Variants in SNX14 observed in about 807,000 individuals in gnomAD.
The protein encoded by SNX14 is sorting nexin 14, also known as sorting nexin-14.
Under a neutral mutation model 133.8 loss-of-function variants are expected in SNX14, and 93 were observed. The ratio of observed to expected loss-of-function variants is 0.70; its 90% CI spans 0.59 to 0.83. SNX14 has a LOEUF of 0.83. Ranked by LOEUF, SNX14 falls within the 40% of genes least tolerant of loss-of-function variation. SNX14 has a pLI of 0.00. For synonymous variants in SNX14, 368 were observed against 365.6 expected (o/e 1.01, Z -0.07); for missense variants, 945 against 1,094.9 (o/e 0.86, Z 1.93).
rs748869973 is a variant in SNX14, at chr6:85,547,161, A to C, written c.1059T>G (p.Phe353Leu). The C allele has an allele frequency of 2.5e-6, 4 of 1,614,078 alleles. No individual in the cohort carries two copies. Among genetic ancestry groups the C allele is most frequent in the Non-Finnish European group, 3.4e-6 (4 of 1,179,966 alleles). ...CGTGCACTGCGCCTTCTTGTTTCAG[A>C]AAGTTCATAAAACGAAATAAAAGAT... ...QQDLLFRFMN[F>L]LKQEGAVHVL... Residue 353 changes from phenylalanine (F) to leucine (L), a missense_variant, in exon 12 of 29, where the codon TTT becomes TTG. Physicochemically the swap from Phe to Leu is conservative, Grantham distance 22. Transcript: ENST00000314673.
At chr6:85,574,450 T>A (rs1463860698) in intron 1 of SNX14, 72 bp from the exon 2 acceptor site, 2 of 1,123,340 alleles carry the variant, frequency 1.8e-6, no homozygotes, top group Admixed American at 2.5e-5. Flanking sequence ...TTCACTGACT[T>A]AACAAGCATT....
At chr6:85,571,359 C>CAA (rs55696922) in intron 4 of SNX14, among the ~76,000 whole-genome samples, 7 of 53,268 alleles carry the variant, frequency 1.3e-4, no homozygotes, top group African/African-American at 2.7e-4. Flanking sequence ...GACTCCATCT[C>CAA]AAAAAAAAAA....
At chr6:85,543,557 A>G in intron 13 of SNX14, 48 bp downstream of exon 13, 1 of 1,455,520 alleles carries the variant, frequency 6.9e-7, no homozygotes, top group Non-Finnish European at 9.3e-7. Context: ...AATAAATGGA[A>G]AAACTGTAAG....
chr6:85,590,563 T>C lies in SNX14; in HGVS notation c.140+3016A>G, dbSNP rs183693882. On this transcript the variant is annotated intron_variant, in intron 1 of 28. Transcript: ENST00000314673. The stretch of plus-strand genomic sequence containing the variant: ...TCTGCCTGTTGGTCAGCAGAGGCTT[T>C]TTCTCCGGTTCTCTTGACATTTTTT... Among the ~76,000 whole-genome samples the C allele has an allele frequency of 9.8e-5, 15 of 152,344 alleles. No individual in the cohort carries two copies. The East Asian group carries it at 2.7e-3, about 27-fold the overall frequency.
At chr6:85,570,059 T>G (rs1357805752) in intron 4 of SNX14, among the ~76,000 whole-genome samples, 1 of 152,214 alleles carries the variant, frequency 6.6e-6, no homozygotes, top group Non-Finnish European at 1.5e-5. Context: ...GAACTTCTCC[T>G]CTATACTAAT....
At chr6:85,531,562 C>CATA (rs1329251047) in intron 18 of SNX14, among the ~76,000 whole-genome samples, 4 of 152,112 alleles carry the variant, frequency 2.6e-5, no homozygotes, top group Admixed American at 6.5e-5. Context: ...TTAAAAGATC[C>CATA]ATAGCATATT....
intron 21 of SNX14, among the ~76,000 whole-genome samples, chr6:85,524,396 A>C (rs1412979022): frequency 3.3e-5 from 5 of 152,210 alleles, no homozygotes; most frequent in Non-Finnish European, 5.9e-5. Flanking sequence ...ATAATATGCA[A>C]TAATGAATGC....
chr6:85,508,563 GAAA>G (rs1244825555), intron 26 of SNX14: 1 of 209,472 alleles, frequency 4.8e-6, no homozygotes, highest in Non-Finnish European at 8.2e-6. Flanking sequence ...CTTAATATCA[GAAA>G]AAAAAAGTTT....
intron 1 of SNX14, among the ~76,000 whole-genome samples, chr6:85,578,520 GCATT>G (rs766263795): frequency 5.9e-5 from 9 of 152,124 alleles, no homozygotes; most frequent in Non-Finnish European, 1.2e-4. Context: ...TTTTCCAGCA[GCATT>G]CAGTTTTCAG....
At chr6:85,585,719 G>C (rs1800607513) in intron 1 of SNX14, among the ~76,000 whole-genome samples, 1 of 152,044 alleles carries the variant, frequency 6.6e-6, no homozygotes, top group Non-Finnish European at 1.5e-5. Context: ...AACGGATGGA[G>C]TAAAGCAATT....
intron 5 of SNX14, among the ~76,000 whole-genome samples, 194 bp from the exon 6 acceptor site, chr6:85,565,613 C>G (rs574363896): frequency 6.6e-6 from 1 of 152,284 alleles, no homozygotes; most frequent in South Asian, 2.1e-4. Flanking sequence ...ATTCTAGCAT[C>G]AAGACATAAT....
intron 16 of SNX14, 72 bp downstream of exon 16, chr6:85,538,766 T>A (rs1782706894): frequency 7.5e-7 from 1 of 1,339,206 alleles, no homozygotes; most frequent in East Asian, 2.6e-5. Flanking sequence ...CCTTTTTATT[T>A]GTATTAGGTT....
At chr6:85,522,675 T>C (rs965778919) in intron 21 of SNX14, among the ~76,000 whole-genome samples, 7 of 152,232 alleles carry the variant, frequency 4.6e-5, no homozygotes, top group African/African-American at 1.7e-4. Context: ...GTTGGATTTC[T>C]GAAACCTAAA....
At chr6:85,580,899 T>C (rs1164173841) in intron 1 of SNX14, among the ~76,000 whole-genome samples, 1 of 152,158 alleles carries the variant, frequency 6.6e-6, no homozygotes, top group Non-Finnish European at 1.5e-5. Flanking sequence ...ATGGCATCTC[T>C]GGAACCACCC....
intron 5 of SNX14, among the ~76,000 whole-genome samples, chr6:85,565,784 T>C (rs375066338): frequency 2.6e-5 from 4 of 152,114 alleles, no homozygotes; most frequent in Non-Finnish European, 5.9e-5. Flanking sequence ...TACAAAATTT[T>C]TAAATAGTTT....
chr6:85,511,969 A>AG (rs149423761), intron 26 of SNX14, among the ~76,000 whole-genome samples: 1 of 152,118 alleles, frequency 6.6e-6, no homozygotes, highest in African/African-American at 2.4e-5. Context: ...TAGTCCTAGG[A>AG]GGGGGTCTCA....
chr6:85,543,905 G>A (rs865902771), intron 12 of SNX14, 145 bp from the exon 13 acceptor site: 6 of 368,924 alleles, frequency 1.6e-5, no homozygotes, highest in Middle Eastern at 1.7e-3. Context: ...AAATATTTGA[G>A]AATAAAATAA....
intron 21 of SNX14, among the ~76,000 whole-genome samples, chr6:85,521,129 C>T (rs537863575): frequency 1.3e-5 from 2 of 152,268 alleles, no homozygotes; most frequent in Non-Finnish European, 2.9e-5. Context: ...TTGGTGAATG[C>T]GGTGTTTCCC....
At chr6:85,509,106 G>C (rs891402228) in intron 26 of SNX14, among the ~76,000 whole-genome samples, 2 of 152,118 alleles carry the variant, frequency 1.3e-5, no homozygotes, top group Admixed American at 1.3e-4. Context: ...CATCCTTCAG[G>C]TGTCACTAAG....
Sources: allele counts gnomAD v4.1 joint callset (sites outside exome capture counted in the v4.1 genomes callset), GRCh38; gene constraint gnomAD v4.1.1; transcripts MANE v1.5; gene names NCBI Gene and HGNC (gene_info 2026-07-23, HGNC 2026-07-21).